Variants in ATF6 observed in about 807,000 individuals in gnomAD.
ATF6 encodes activating transcription factor 6.
ATF6 carries 53 observed loss-of-function variants against 83.6 expected under a neutral mutation model. The observed-to-expected ratio is 0.63, with a 90% CI of 0.51 to 0.80. The LOEUF (loss-of-function observed/expected upper bound fraction) is 0.80. Among genes scored for constraint, ATF6 ranks in the 30% least tolerant of loss-of-function variants. ATF6 has a pLI of 0.00. For missense variants in ATF6, 744 were observed against 797.9 expected (o/e 0.93, Z 0.81); for synonymous variants, 288 against 285.8 (o/e 1.01, Z -0.08).
intron 12 of ATF6, among the ~76,000 whole-genome samples, chr1:161,858,525 A>C (rs1363827175): frequency 6.6e-6 from 1 of 151,924 alleles, no homozygotes; most frequent in Admixed American, 6.6e-5. Context: ...ATTCTAAGAG[A>C]CAACAAAAGA....
chr1:161,963,211 A>G lies in ATF6; in HGVS notation c.*4557A>G, dbSNP rs1188827980. The stretch of plus-strand genomic sequence containing the variant: ...AAGTGTGTTCTGTTCTTATCTTTTT[A>G]ATGACTAAGCTTTAAACAGTTTATT... On this transcript the variant is annotated 3_prime_UTR_variant, in exon 16 of 16. Transcript: ENST00000367942. 6.6e-6 allele frequency: 1 copy of G among 152,246 alleles called. No homozygotes were observed. Among genetic ancestry groups the G allele is most frequent in the South Asian group, 2.1e-4 (1 of 4,830 alleles). The allele number at this position is 152,246 out of a possible 1,614,324, so 9.4% of individuals were successfully genotyped here. A position where few individuals can be genotyped will look rare whatever the true frequency, so the allele number is the denominator to read the frequency against.
At chr1:161,956,289 T>TAC (rs138092793) in intron 15 of ATF6, among the ~76,000 whole-genome samples, 10 of 151,398 alleles carry the variant, frequency 6.6e-5, no homozygotes, top group East Asian at 3.9e-4. Context: ...TGCATGCGCA[T>TAC]ACACACACAC....
intron 15 of ATF6, among the ~76,000 whole-genome samples, chr1:161,937,660 T>C (rs1205869084): frequency 6.6e-6 from 1 of 151,012 alleles, no homozygotes; most frequent in Admixed American, 6.6e-5. Flanking sequence ...GAACACTGCA[T>C]GTTCTCACTC....
Position 161,894,227 on chromosome 1 carries a change from GTTTTT to G in ATF6, c.1720-18056_1720-18052del, listed in dbSNP as rs11304307. On this transcript the variant is annotated intron_variant, in intron 14 of 15. Transcript: ENST00000367942. The stretch of plus-strand genomic sequence containing the variant: ...AAGATGGCAGCTGAATTGAGCAGGT[GTTTTT>G]TTTTTTTTTTTTAAGAAATGGTTTT... Among the ~76,000 whole-genome samples the G allele has an allele frequency of 3.2e-3, 395 of 124,030 alleles. 3 individuals carry two copies. The highest frequency in any genetic ancestry group is 3.6e-3 in the Non-Finnish European group (198 of 55,646). The allele number at this position is 124,030 out of a possible 152,430, so 81.4% of individuals were successfully genotyped here.
intron 14 of ATF6, among the ~76,000 whole-genome samples, chr1:161,871,235 A>G (rs936083041): frequency 6.6e-6 from 1 of 151,776 alleles, no homozygotes; most frequent in Non-Finnish European, 1.5e-5. Context: ...TTGGATAGCA[A>G]TGAAATTTTT....
intron 14 of ATF6, chr1:161,891,633 G>C (rs1397126368): frequency 6.6e-6 from 1 of 152,110 alleles, no homozygotes. Context: ...TAAAAACATT[G>C]AGAAGATCAA....
chr1:161,922,181 T>A (rs1013958132), intron 15 of ATF6, among the ~76,000 whole-genome samples: 2 of 152,262 alleles, frequency 1.3e-5, no homozygotes, highest in African/African-American at 4.8e-5. Context: ...CCTTACATAC[T>A]GCTTTTGTTA....
At chr1:161,915,356 C>T (rs1688075039) in intron 15 of ATF6, among the ~76,000 whole-genome samples, 1 of 152,166 alleles carries the variant, frequency 6.6e-6, no homozygotes, top group African/African-American at 2.4e-5. Flanking sequence ...TAATACCTTC[C>T]TCTAAGAGTT....
At chr1:161,807,014 G>T (rs1685299908) in intron 7 of ATF6, among the ~76,000 whole-genome samples, 1 of 152,052 alleles carries the variant, frequency 6.6e-6, no homozygotes, top group African/African-American at 2.4e-5. Context: ...TCTACCATGT[G>T]TATAGCAAGC....
chr1:161,837,976 C>G (rs759577419), intron 9 of ATF6, among the ~76,000 whole-genome samples: 1 of 152,160 alleles, frequency 6.6e-6, no homozygotes, highest in Non-Finnish European at 1.5e-5. Flanking sequence ...AGATCAGAAT[C>G]ACAATCTGCC....
chr1:161,894,702 A>ATTTTTTT (rs59848309), intron 14 of ATF6, among the ~76,000 whole-genome samples: 6 of 109,158 alleles, frequency 5.5e-5, no homozygotes, highest in African/African-American at 1.2e-4. Context: ...AGCCGGGCTA[A>ATTTTTTT]TTTTTTTTTT....
At position 161,922,557 on chromosome 1, in the gene ATF6, T is replaced by C. The variant is rs1215966567; in HGVS notation, c.1804+10177T>C. 5.9e-5 allele frequency among the ~76,000 whole-genome samples: 9 copies of C among 152,060 alleles called. No homozygotes were observed. In the East Asian group the frequency reaches 1.7e-3, roughly 29 times the overall value. On this transcript the variant is annotated intron_variant, in intron 15 of 15. Coordinates refer to ENST00000367942, the MANE Select transcript of ATF6 (RefSeq NM_007348.4). ...GTTTGGGAGAAAGAAAGAAATATGG[T>C]CCCTTCATGAAATATGGTGGGAGTC...
At chr1:161,797,176 A>G (rs978103265) in intron 6 of ATF6, among the ~76,000 whole-genome samples, 4 of 152,180 alleles carry the variant, frequency 2.6e-5, no homozygotes, top group African/African-American at 9.7e-5. Flanking sequence ...ACCTCAAAAT[A>G]ATAAGAACCA....
Position 161,863,187 on chromosome 1 carries a change from TCTTA to T in ATF6, c.1605-7_1605-4del, listed in dbSNP as rs754397475. 2.7e-6 allele frequency: 4 copies of T among 1,502,918 alleles called. No individual in the cohort carries two copies. The highest frequency in any genetic ancestry group is 3.7e-6 in the Non-Finnish European group (4 of 1,088,692). The allele number at this position is 1,502,918 out of a possible 1,614,324, so 93.1% of individuals were successfully genotyped here. On this transcript the variant is annotated splice_region_variant and splice_polypyrimidine_tract_variant and intron_variant, in intron 13 of 15. Coordinates refer to ENST00000367942, the MANE Select transcript of ATF6 (RefSeq NM_007348.4). Reference sequence around the variant, plus strand: ...TTATTTTAGTAATACCTTATATTTTTCTTACTTTAGCAGGAACTCAGGGAGTGAG... The same window carrying T: ...TTATTTTAGTAATACCTTATATTTTTCTTTAGCAGGAACTCAGGGAGTGAG...
intron 4 of ATF6, among the ~76,000 whole-genome samples, chr1:161,784,797 A>G (rs1684710254): frequency 1.3e-5 from 2 of 152,216 alleles, no homozygotes; most frequent in Admixed American, 1.3e-4. Flanking sequence ...TCAAGGATTT[A>G]TCTTTTCTGC....
intron 7 of ATF6, among the ~76,000 whole-genome samples, chr1:161,814,670 T>C (rs959015176): frequency 3.3e-5 from 5 of 152,232 alleles, no homozygotes; most frequent in African/African-American, 1.2e-4. Flanking sequence ...AAATAAAATT[T>C]TGACTGTCAT....
At chr1:161,910,235 A>G (rs750101514) in intron 14 of ATF6, among the ~76,000 whole-genome samples, 4 of 152,172 alleles carry the variant, frequency 2.6e-5, no homozygotes, top group Non-Finnish European at 1.5e-5. Context: ...TTATTATAAG[A>G]TATGTACTGT....
intron 15 of ATF6, among the ~76,000 whole-genome samples, chr1:161,914,043 A>G (rs1688042832): frequency 6.6e-6 from 1 of 152,244 alleles, no homozygotes; most frequent in Non-Finnish European, 1.5e-5. Flanking sequence ...CAGTCATTAG[A>G]GGATCATTGT....
At chr1:161,838,971 A>G (rs1686287064) in intron 9 of ATF6, among the ~76,000 whole-genome samples, 1 of 152,180 alleles carries the variant, frequency 6.6e-6, no homozygotes, top group Admixed American at 6.5e-5. Context: ...TAAAATTTGG[A>G]AACTACCTTG....
Sources: gnomAD v4.1 joint callset for allele counts (sites outside exome capture counted in the v4.1 genomes callset) on GRCh38, gnomAD v4.1.1 for gene constraint, MANE v1.5 for transcripts, NCBI Gene and HGNC (gene_info 2026-07-23, HGNC 2026-07-21) for gene names.